The following RORA variants were observed in gnomAD, a reference collection of about 807,000 sequenced individuals.
RORA encodes nuclear receptor ROR-alpha.
A neutral mutation model predicts 69.5 loss-of-function variants in RORA; 7 were observed. The observed-to-expected ratio is 0.10, with a 90% confidence interval of 0.06 to 0.19. The LOEUF is 0.19. RORA is among the 10% of genes least tolerant of loss of function. RORA has a pLI of 1.00. For synonymous variants in RORA, 261 were observed against 240.8 expected, an observed-to-expected ratio of 1.08 and a Z score of -0.78; for missense variants, 457 against 663.0, an observed-to-expected ratio of 0.69 and a Z score of 3.41.
chr15:61,173,375 A>G (rs548962363), intron 1 of RORA, among the ~76,000 whole-genome samples: 23 of 152,360 alleles, frequency 1.5e-4, no homozygotes, highest in African/African-American at 5.5e-4. Context: ...TCCATATTAA[A>G]GAGAAAACTG....
chr15:61,043,740 G>T (rs1458780096), intron 1 of RORA, among the ~76,000 whole-genome samples: 1 of 152,070 alleles, frequency 6.6e-6, no homozygotes, highest in Non-Finnish European at 1.5e-5. Flanking sequence ...AGGGGCTAGG[G>T]ACTATAGAAG....
intron 1 of RORA, among the ~76,000 whole-genome samples, chr15:60,906,405 C>T (rs1292544496): frequency 6.6e-6 from 1 of 152,144 alleles, no homozygotes; most frequent in African/African-American, 2.4e-5. Flanking sequence ...CCACATGTAC[C>T]ATTAAAGTAC....
At chr15:60,567,973 T>TC (rs2067765709) in intron 2 of RORA, among the ~76,000 whole-genome samples, 1 of 152,198 alleles carries the variant, frequency 6.6e-6, no homozygotes, top group South Asian at 2.1e-4. Context: ...TGGCAGGGTT[T>TC]CTCAGCCTTG....
intron 1 of RORA, among the ~76,000 whole-genome samples, chr15:61,212,636 C>T (rs536668330): frequency 6.6e-6 from 1 of 152,294 alleles, no homozygotes; most frequent in South Asian, 2.1e-4. Flanking sequence ...AGGTGATCCA[C>T]CCACCTCAGC....
At chr15:60,770,492 T>G (rs1321359197) in intron 1 of RORA, among the ~76,000 whole-genome samples, 1 of 152,206 alleles carries the variant, frequency 6.6e-6, no homozygotes, top group Non-Finnish European at 1.5e-5. Context: ...TAAGCTTATA[T>G]CTCATAACCA....
In RORA at chr15:61,168,213, C is replaced by CGT. The variant is rs749432181; in HGVS notation, c.166+60838_166+60839dup. On this transcript the variant is annotated intron_variant, in intron 1 of 10. Coordinates refer to ENST00000335670, the MANE Select transcript of RORA (RefSeq NM_134261.3). ...ACACATATATACACGCGCGTGCGTG[C>CGT]GTGCGTGTGTGTGTGTGTGTGTGTA... is the stretch of plus-strand genomic sequence containing the variant. Among the ~76,000 whole-genome samples, 1,069 of 144,966 alleles carry CGT rather than the reference C, an allele frequency of 7.4e-3. 7 individuals are homozygous for CGT. Among genetic ancestry groups the CGT allele is most frequent in the African/African-American group, 0.013 (478 of 36,414 alleles).
chr15:60,791,792 G>C (rs1044367336), intron 1 of RORA, among the ~76,000 whole-genome samples: 10 of 152,230 alleles, frequency 6.6e-5, no homozygotes, highest in Admixed American at 2.0e-4. Flanking sequence ...GCTGGAATTT[G>C]AGTCCAGGCA....
In RORA at chr15:60,802,034, G is replaced by A. The variant is rs534397750; in HGVS notation, c.167-123348C>T. Among the ~76,000 whole-genome samples the A allele has an allele frequency of 2.0e-5, 3 of 152,304 alleles. No homozygotes were observed. In the East Asian group the frequency reaches 5.8e-4, roughly 29 times the overall value. On this transcript the variant is annotated intron_variant, in intron 1 of 10. Transcript: ENST00000335670. ...GGCTGGCTCCAGATCTAATTGCTAG[G>A]CAATGAATGGTCTGGCACCAGAGCC...
At position 61,047,984 on chromosome 15, in the gene RORA, G is replaced by A. The variant is rs917884204; in HGVS notation, c.166+181069C>T. 3.4e-4 allele frequency among the ~76,000 whole-genome samples: 51 copies of A among 152,174 alleles called. 1 individual carries two copies. The highest frequency in any genetic ancestry group is 1.5e-5 in the Non-Finnish European group (1 of 68,034). ...CGTTAAAACTCCCCAGAATGCAGAG[G>A]TGACTCACGTGTTTATGTAAGTAAG... On this transcript the variant is annotated intron_variant, in intron 1 of 10. Coordinates refer to ENST00000335670, the MANE Select transcript of RORA (RefSeq NM_134261.3).
At chr15:60,525,855 T>C (rs1595912830) in intron 3 of RORA, among the ~76,000 whole-genome samples, 1 of 152,150 alleles carries the variant, frequency 6.6e-6, no homozygotes, top group African/African-American at 2.4e-5. Flanking sequence ...GTTGAGAATG[T>C]TCAGAAGCAT....
chr15:60,688,668 A>T (rs1465320923), intron 1 of RORA, among the ~76,000 whole-genome samples: 1 of 152,184 alleles, frequency 6.6e-6, no homozygotes, highest in African/African-American at 2.4e-5. Context: ...GGATAATCTG[A>T]TAATACTTGC....
At chr15:60,990,515 A>G (rs1161957983) in intron 1 of RORA, among the ~76,000 whole-genome samples, 1 of 152,214 alleles carries the variant, frequency 6.6e-6, no homozygotes, top group Non-Finnish European at 1.5e-5. Context: ...ATTCCCGGGT[A>G]AGAAATGGCT....
chr15:60,924,838 G>T (rs1434605453), intron 1 of RORA, among the ~76,000 whole-genome samples: 1 of 152,108 alleles, frequency 6.6e-6, no homozygotes, highest in African/African-American at 2.4e-5. Flanking sequence ...CAGCACTTTG[G>T]GAGGCCGAGG....
chr15:60,849,360 T>A (rs1484910095), intron 1 of RORA, among the ~76,000 whole-genome samples: 1 of 152,194 alleles, frequency 6.6e-6, no homozygotes, highest in East Asian at 1.9e-4. Flanking sequence ...TATAGCCAAT[T>A]GGATATCATC....
chr15:60,662,543 G>C (rs1441303489), intron 2 of RORA, among the ~76,000 whole-genome samples: 5 of 152,158 alleles, frequency 3.3e-5, no homozygotes, highest in Admixed American at 1.3e-4. Context: ...GAATGTCCAT[G>C]TGTGGAAAAA....
intron 1 of RORA, among the ~76,000 whole-genome samples, chr15:60,849,654 G>A (rs1007985904): frequency 5.3e-5 from 8 of 152,198 alleles, no homozygotes; most frequent in Admixed American, 1.3e-4. Flanking sequence ...AAACAACAGC[G>A]AAGATAAGGG....
intron 1 of RORA, among the ~76,000 whole-genome samples, chr15:60,703,977 C>A (rs2071022851): frequency 1.3e-5 from 2 of 151,760 alleles, no homozygotes; most frequent in Admixed American, 1.3e-4. Flanking sequence ...ACTTTTATGT[C>A]TTTTCCATAA....
intron 2 of RORA, chr15:60,592,486 G>T: frequency 7.5e-7 from 1 of 1,342,052 alleles, no homozygotes; most frequent in Non-Finnish European, 9.6e-7. Flanking sequence ...TGCCGCCGCC[G>T]CGCCGCCGCC....
intron 1 of RORA, among the ~76,000 whole-genome samples, chr15:61,208,186 G>T (rs1394685533): frequency 6.6e-6 from 1 of 152,204 alleles, no homozygotes; most frequent in Non-Finnish European, 1.5e-5. Flanking sequence ...TAAACAAAAT[G>T]TGATACATCC....
Sources: gnomAD v4.1 joint callset for allele counts (sites outside exome capture counted in the v4.1 genomes callset) on GRCh38, gnomAD v4.1.1 for gene constraint, MANE v1.5 for transcripts, NCBI Gene and HGNC (gene_info 2026-07-23, HGNC 2026-07-21) for gene names.